Variants in ADAM10 observed in about 807,000 individuals in gnomAD.
ADAM10 encodes the protein ADAM metallopeptidase domain 10.
A neutral mutation model predicts 90.1 loss-of-function variants in ADAM10; 17 were observed. That is an observed-to-expected ratio of 0.19 (90% CI 0.13 to 0.28). The LOEUF (loss-of-function observed/expected upper bound fraction) is 0.28, where lower values mean the gene tolerates loss of function less well. ADAM10 is among the 10% of genes least tolerant of loss of function. ADAM10 has a pLI of 1.00. For synonymous variants in ADAM10, 310 were observed against 298.6 expected, an observed-to-expected ratio of 1.04 and a Z score of -0.40; for missense variants, 610 against 914.3, an observed-to-expected ratio of 0.67 and a Z score of 4.29.
intron 2 of ADAM10, among the ~76,000 whole-genome samples, chr15:58,682,560 T>C (rs1897470599): frequency 6.6e-6 from 1 of 152,142 alleles, no homozygotes; most frequent in South Asian, 2.1e-4. Flanking sequence ...TAAATGCCTA[T>C]AGACTGATTC....
intron 1 of ADAM10, among the ~76,000 whole-genome samples, chr15:58,733,778 A>G (rs996176801): frequency 7.3e-5 from 11 of 151,670 alleles, no homozygotes; most frequent in African/African-American, 2.4e-4. Context: ...TTATTCATCT[A>G]TTTATAATTT....
At chr15:58,654,412 T>C (rs559695852) in intron 5 of ADAM10, among the ~76,000 whole-genome samples, 86 of 152,264 alleles carry the variant, frequency 5.6e-4, no homozygotes, top group African/African-American at 1.9e-3. Context: ...CAGCGTCTCC[T>C]TCTGTTGCCC....
intron 6 of ADAM10, among the ~76,000 whole-genome samples, chr15:58,644,240 T>C (rs976924878): frequency 6.6e-6 from 1 of 151,696 alleles, no homozygotes; most frequent in African/African-American, 2.4e-5. Flanking sequence ...TTTTGTTTTT[T>C]TTTTTGGAGA....
rs1269942668 is a variant in ADAM10 at position 58,593,948 on chromosome 15, G to T, written c.*3599C>A. 6.6e-6 allele frequency: 1 copy of T among 152,090 alleles called. No individual in the cohort carries two copies. Among genetic ancestry groups the T allele is most frequent in the Non-Finnish European group, 1.5e-5 (1 of 68,002 alleles). The allele number at this position is 152,090 out of a possible 1,614,324, so 9.4% of individuals were successfully genotyped here. ...AAACAATAGTGAAAAAACTAAACTG[G>T]TAATAAACGGAAAAGTATATCAAAT... On this transcript the variant is annotated 3_prime_UTR_variant, in exon 16 of 16. Transcript: ENST00000260408.
intron 10 of ADAM10, among the ~76,000 whole-genome samples, chr15:58,627,237 C>T (rs183360976): frequency 3.9e-5 from 6 of 152,196 alleles, no homozygotes; most frequent in South Asian, 2.1e-4. Context: ...TGAAATAAAT[C>T]AGATAGTGGT....
rs749583962 is a variant in ADAM10, at chr15:58,640,784, T to C, written c.1005A>G (p.Ala335=). 6.2e-7 allele frequency: 1 copy of C among 1,613,930 alleles called. No individual in the cohort carries two copies. The highest frequency in any genetic ancestry group is 8.5e-7 in the Non-Finnish European group (1 of 1,179,914). The change falls in exon 8 of 16, where the codon GCA becomes GCG. Residue 335 remains alanine, a synonymous_variant. Coordinates refer to ENST00000260408, the MANE Select transcript of ADAM10 (RefSeq NM_001110.4). ...TTTAATATGATAAACTACCTGAAGG[T>C]GCTCCAACCCAAGCCAGACCAAGTA... ...DGVLGLAWVG[A]PSGSSGGICE...
At chr15:58,599,191 A>G (rs1895043524) in intron 15 of ADAM10, among the ~76,000 whole-genome samples, 1 of 151,454 alleles carries the variant, frequency 6.6e-6, no homozygotes, top group South Asian at 2.1e-4. Flanking sequence ...GGAGGGAGGG[A>G]AGATGGAAGG....
intron 1 of ADAM10, among the ~76,000 whole-genome samples, chr15:58,729,970 AAAAC>A (rs1567016081): frequency 7.9e-5 from 11 of 138,602 alleles, no homozygotes; most frequent in African/African-American, 3.0e-4. Context: ...AAAAAAAACA[AAAAC>A]AAAAACAAAA....
At chr15:58,667,360 C>T (rs1897102116) in intron 4 of ADAM10, among the ~76,000 whole-genome samples, 1 of 152,132 alleles carries the variant, frequency 6.6e-6, no homozygotes, top group African/African-American at 2.4e-5. Flanking sequence ...ATTTACAGTT[C>T]AGATTCTCTG....
intron 11 of ADAM10, among the ~76,000 whole-genome samples, chr15:58,615,898 C>T (rs1161759607): frequency 1.3e-5 from 2 of 151,990 alleles, no homozygotes; most frequent in Admixed American, 6.5e-5. Flanking sequence ...GTCCCAGCTA[C>T]TAGGGAGGCT....
chr15:58,617,014 C>T (rs1895633908), intron 11 of ADAM10, among the ~76,000 whole-genome samples: 1 of 152,026 alleles, frequency 6.6e-6, no homozygotes, highest in African/African-American at 2.4e-5. Context: ...GAGGCTGAGG[C>T]AGGAGAATGG....
chr15:58,676,654 T>C (rs1158893458), intron 4 of ADAM10, among the ~76,000 whole-genome samples: 1 of 152,064 alleles, frequency 6.6e-6, no homozygotes, highest in Non-Finnish European at 1.5e-5. Context: ...GAAGTTTTAT[T>C]AAAAACAGCC....
At chr15:58,712,153 T>A (rs1488607662) in intron 2 of ADAM10, among the ~76,000 whole-genome samples, 1 of 152,188 alleles carries the variant, frequency 6.6e-6, no homozygotes, top group South Asian at 2.1e-4. Flanking sequence ...ACAGAGATAT[T>A]CCAACATGTT....
chr15:58,740,546 C>T (rs1260815446), intron 1 of ADAM10, among the ~76,000 whole-genome samples: 1 of 152,044 alleles, frequency 6.6e-6, no homozygotes, highest in Non-Finnish European at 1.5e-5. Flanking sequence ...GTTTTAACTA[C>T]ACTTTACATT....
chr15:58,732,851 C>T (rs1452805718), intron 1 of ADAM10: 1 of 153,896 alleles, frequency 6.5e-6, no homozygotes, highest in Non-Finnish European at 1.5e-5. Flanking sequence ...TATAAAGACA[C>T]ATTTGTTGAG....
Position 58,589,008 on chromosome 15 carries a change from T to C in ADAM10, c.*8539A>G, listed in dbSNP as rs1353763767. On this transcript the variant is annotated 3_prime_UTR_variant, in exon 16 of 16. Coordinates refer to ENST00000260408, the MANE Select transcript of ADAM10 (RefSeq NM_001110.4). ...TATCTCCAGGTATGACGGAAGGAGG[T>C]TGTGCTGCCACAGGATTTAGAATGA... The C allele has an allele frequency of 2.6e-5, 4 of 152,222 alleles. No individual in the cohort carries two copies. Among genetic ancestry groups the C allele is most frequent in the East Asian group, 3.9e-4 (2 of 5,188 alleles). 9.4% of individuals were successfully genotyped at this position (152,222 alleles called of 1,614,324 possible).
chr15:58,728,061 T>C (rs771945505), intron 1 of ADAM10, among the ~76,000 whole-genome samples: 1 of 152,190 alleles, frequency 6.6e-6, no homozygotes, highest in Non-Finnish European at 1.5e-5. Flanking sequence ...TAAGGGCACA[T>C]GGAACAGTCA....
intron 1 of ADAM10, among the ~76,000 whole-genome samples, chr15:58,730,006 A>AC (rs1342521394): frequency 3.4e-5 from 5 of 148,482 alleles, no homozygotes; most frequent in African/African-American, 9.8e-5. Context: ...AAACAAACAA[A>AC]AAAAAAAACT....
At chr15:58,747,986 G>A (rs560878060) in intron 1 of ADAM10, 1 of 152,284 alleles carries the variant, frequency 6.6e-6, no homozygotes, top group African/African-American at 2.4e-5. Flanking sequence ...AAAACGATTT[G>A]TTGAAAGCCA....
Sources: allele counts gnomAD v4.1 joint callset (sites outside exome capture counted in the v4.1 genomes callset), GRCh38; gene constraint gnomAD v4.1.1; transcripts MANE v1.5; gene names NCBI Gene and HGNC (gene_info 2026-07-23, HGNC 2026-07-21).